PIWIL2: variants seen among roughly 807,000 people sequenced by gnomAD.
PIWIL2 encodes piwi-like protein 2.
Under a neutral mutation model 116.5 loss-of-function variants are expected in PIWIL2, and 81 were observed. The ratio of observed to expected loss-of-function variants is 0.70; its 90% CI spans 0.58 to 0.84. The LOEUF (loss-of-function observed/expected upper bound fraction) is 0.84. PIWIL2 is among the 40% of genes least tolerant of loss of function. PIWIL2 has a pLI of 0.00. For missense variants in PIWIL2, 1,272 were observed against 1,212.3 expected, an observed-to-expected ratio of 1.05 and a Z score of -0.73; for synonymous variants, 489 against 429.5, an observed-to-expected ratio of 1.14 and a Z score of -1.71.
At chr8:22,342,305 A>C (rs1832128968) in intron 20 of PIWIL2, among the ~76,000 whole-genome samples, 1 of 152,214 alleles carries the variant, frequency 6.6e-6, no homozygotes, top group South Asian at 2.1e-4. Context: ...GGATATCAAC[A>C]AACTTGATTT....
At chr8:22,326,672 CT>C (rs1428621253) in intron 20 of PIWIL2, among the ~76,000 whole-genome samples, 2 of 152,270 alleles carry the variant, frequency 1.3e-5, no homozygotes, top group African/African-American at 4.8e-5. Context: ...TATATTAATA[CT>C]TTTTTCCTTT....
intron 19 of PIWIL2, among the ~76,000 whole-genome samples, chr8:22,316,639 G>A (rs917179683): frequency 6.6e-6 from 1 of 151,604 alleles, no homozygotes; most frequent in African/African-American, 2.4e-5. Flanking sequence ...GCACCACCAT[G>A]CCAGGCTAAT....
intron 20 of PIWIL2, among the ~76,000 whole-genome samples, chr8:22,342,075 A>G (rs1832123734): frequency 6.6e-6 from 1 of 152,196 alleles, no homozygotes; most frequent in African/African-American, 2.4e-5. Flanking sequence ...GTCAGCAGAA[A>G]AAAATGGAGT....
At chr8:22,325,481 C>CTT (rs749493740) in intron 20 of PIWIL2, among the ~76,000 whole-genome samples, 24,872 of 94,844 alleles carry the variant, frequency 0.26, 4,433 homozygotes, top group East Asian at 0.55. Flanking sequence ...TTGATTTAGT[C>CTT]TTTTTTTTTT....
intron 20 of PIWIL2, among the ~76,000 whole-genome samples, chr8:22,338,974 T>C (rs1227867967): frequency 2.0e-5 from 3 of 152,340 alleles, no homozygotes; most frequent in Admixed American, 6.5e-5. Context: ...GTCAGTAGCA[T>C]TGAGATAGAC....
At chr8:22,321,550 C>CA (rs1243053826) in intron 20 of PIWIL2, among the ~76,000 whole-genome samples, 1 of 151,044 alleles carries the variant, frequency 6.6e-6, no homozygotes, top group Non-Finnish European at 1.5e-5. Context: ...CTCATCTCTA[C>CA]AAAAAAATTG....
At chr8:22,297,000 T>C (rs1419350624) in intron 10 of PIWIL2, among the ~76,000 whole-genome samples, 2 of 152,146 alleles carry the variant, frequency 1.3e-5, no homozygotes, top group African/African-American at 4.8e-5. Flanking sequence ...TTTTTTATTT[T>C]TATTTTTTGA....
At chr8:22,294,900 G>GAA (rs57742067) in intron 10 of PIWIL2, among the ~76,000 whole-genome samples, 379 of 93,588 alleles carry the variant, frequency 4.0e-3, no homozygotes, top group South Asian at 7.1e-3. Flanking sequence ...ATCTTTACTG[G>GAA]AAAAAAAAAA....
rs763361069 is a variant in PIWIL2 at position 22,288,584 on chromosome 8, A to G, written c.904A>G (p.Ile302Val). The G allele has an allele frequency of 1.6e-5, 25 of 1,609,638 alleles. No individual in the cohort carries two copies. In the South Asian group the frequency reaches 2.0e-4, roughly 13 times the overall value. Residue 302 changes from isoleucine (I) to valine (V), a missense_variant, in exon 8 of 23, where the codon ATC becomes GTC. Ile to Val is a conservative substitution (Grantham distance 29). Coordinates refer to ENST00000356766, the MANE Select transcript of PIWIL2 (RefSeq NM_018068.5). ...KSQRKTDSAEISIKIQMTKIL... is the reference protein window; with the variant it reads ...KSQRKTDSAEVSIKIQMTKIL... The stretch of plus-strand genomic sequence containing the variant: ...TCAAAGGAAAACAGACAGTGCTGAA[A>G]TCAGCATTAAGATTCAGATGACAAA...
chr8:22,355,149 G>A (rs1034233368), intron 22 of PIWIL2, among the ~76,000 whole-genome samples, 200 bp from the exon 23 acceptor site: 10 of 149,806 alleles, frequency 6.7e-5, no homozygotes, highest in East Asian at 1.9e-4. Flanking sequence ...TACCCATGTC[G>A]TCTGACTTAT....
chr8:22,339,969 C>T lies in PIWIL2; in HGVS notation c.2404-12990C>T, dbSNP rs538246485. ...CATTGCAAGAAAGGAAAACTACAGACCGATGTTTGTCATGCACATAGATGC... is the reference window on the plus strand; with the variant it reads ...CATTGCAAGAAAGGAAAACTACAGATCGATGTTTGTCATGCACATAGATGC... On this transcript the variant is annotated intron_variant, in intron 20 of 22. Transcript: ENST00000356766. Among the ~76,000 whole-genome samples the T allele has an allele frequency of 4.6e-5, 7 of 152,056 alleles. No homozygotes were observed. In the South Asian group the frequency reaches 1.5e-3, roughly 32 times the overall value.
At chr8:22,310,999 C>T (rs1470491288) in intron 15 of PIWIL2, 113 bp from the exon 16 acceptor site, 2 of 890,142 alleles carry the variant, frequency 2.2e-6, no homozygotes, top group Non-Finnish European at 3.5e-6. Context: ...TTAGATAAGA[C>T]AGGATTCAAG....
chr8:22,280,342 G>T (rs186973755), intron 2 of PIWIL2, among the ~76,000 whole-genome samples: 162 of 152,254 alleles, frequency 1.1e-3, no homozygotes, highest in South Asian at 4.4e-3. Context: ...TTCAGTTATT[G>T]CTGCTGCTGT....
intron 20 of PIWIL2, among the ~76,000 whole-genome samples, chr8:22,327,793 A>T (rs1336904312): frequency 6.6e-6 from 1 of 152,104 alleles, no homozygotes. Flanking sequence ...GCCCATTTAA[A>T]TTGGGCTATT....
At position 22,280,088 on chromosome 8, in the gene PIWIL2, G is replaced by C. The variant is rs1177850960; in HGVS notation, c.198+504G>C. ...CTAGAGTTTCTAGAGGTATGAAGAA[G>C]TACCTCATAATGAGCGCTAGATGGA... On this transcript the variant is annotated intron_variant, in intron 2 of 22. Coordinates refer to ENST00000356766, the MANE Select transcript of PIWIL2 (RefSeq NM_018068.5). 2.6e-5 allele frequency among the ~76,000 whole-genome samples: 4 copies of C among 152,324 alleles called. No individual in the cohort carries two copies. The East Asian group carries it at 7.7e-4, about 29-fold the overall frequency.
chr8:22,288,298 C>CAA (rs5890028), intron 7 of PIWIL2, among the ~76,000 whole-genome samples: 46,138 of 101,864 alleles, frequency 0.45, 10,701 homozygotes, highest in East Asian at 0.8. Context: ...ACTCTGTCTC[C>CAA]AAAAAAAAAA....
intron 1 of PIWIL2, 97 bp from the exon 2 acceptor site, chr8:22,279,244 C>T: frequency 3.0e-6 from 2 of 668,786 alleles, no homozygotes; most frequent in Non-Finnish European, 5.4e-6. Context: ...AGGCGTGTTA[C>T]TGGACTGACT....
chr8:22,310,755 G>C (rs1831308989), intron 15 of PIWIL2, among the ~76,000 whole-genome samples: 1 of 152,040 alleles, frequency 6.6e-6, no homozygotes, highest in Non-Finnish European at 1.5e-5. Flanking sequence ...TATAGCCACT[G>C]TCCTGACTTT....
chr8:22,275,744 T>C (rs920873364), intron 1 of PIWIL2: 3 of 152,324 alleles, frequency 2.0e-5, no homozygotes, highest in Non-Finnish European at 4.4e-5. Context: ...GGGACTCGCC[T>C]TCGGGGGCCT....
Sources: gnomAD v4.1 joint callset for allele counts (sites outside exome capture counted in the v4.1 genomes callset) on GRCh38, gnomAD v4.1.1 for gene constraint, MANE v1.5 for transcripts, NCBI Gene and HGNC (gene_info 2026-07-23, HGNC 2026-07-21) for gene names.